The following MAGI2 variants were observed in gnomAD, a reference collection of about 807,000 sequenced individuals.
The protein encoded by MAGI2 is membrane associated guanylate kinase, WW and PDZ domain containing 2.
Under a neutral mutation model 133.3 loss-of-function variants are expected in MAGI2, and 35 were observed. The ratio of observed to expected loss-of-function variants is 0.26; its 90% confidence interval spans 0.20 to 0.35. The LOEUF is 0.35. Among genes scored for constraint, MAGI2 ranks in the 10% least tolerant of loss-of-function variants. MAGI2 has a pLI of 1.00. For synonymous variants in MAGI2, 729 were observed against 710.6 expected, an observed-to-expected ratio of 1.03 and a Z score of -0.41; for missense variants, 1,636 against 1,863.4, an observed-to-expected ratio of 0.88 and a Z score of 2.25.
chr7:79,277,438 G>A (rs191336967), intron 1 of MAGI2, among the ~76,000 whole-genome samples: 8 of 152,100 alleles, frequency 5.3e-5, no homozygotes, highest in African/African-American at 1.7e-4. Context: ...TGATTCTAAT[G>A]TGCTATTCAC....
rs144181423 is a variant in MAGI2, at chr7:78,930,084, T to C, written c.418+77006A>G. On this transcript the variant is annotated intron_variant, in intron 2 of 21. Transcript: ENST00000354212. ...GTTCAATGAAAGCAAATCTTACTAA[T>C]AAGTAAAGCTATGTGTTAAAGAAGA... is the stretch of plus-strand genomic sequence containing the variant. Among the ~76,000 whole-genome samples, 1,114 of 152,158 alleles carry C rather than the reference T, an allele frequency of 7.3e-3. 7 individuals carry two copies. The highest frequency in any genetic ancestry group is 0.025 in the African/African-American group (1,027 of 41,536).
intron 4 of MAGI2, among the ~76,000 whole-genome samples, chr7:78,505,429 G>T (rs969654457): frequency 2.6e-5 from 4 of 152,030 alleles, no homozygotes; most frequent in Non-Finnish European, 5.9e-5. Context: ...TGTAAGTTTT[G>T]TAGGATAAAA....
chr7:78,119,853 T>C (rs1284575608), intron 20 of MAGI2, among the ~76,000 whole-genome samples: 1 of 152,204 alleles, frequency 6.6e-6, no homozygotes, highest in East Asian at 1.9e-4. Flanking sequence ...ACTCAACACA[T>C]GTATTTGTGT....
At chr7:78,117,173 A>C (rs942877608) in intron 20 of MAGI2, among the ~76,000 whole-genome samples, 1 of 151,916 alleles carries the variant, frequency 6.6e-6, no homozygotes, top group East Asian at 1.9e-4. Context: ...GGATTATTCT[A>C]TTTCTCATTT....
At chr7:78,284,921 T>G (rs1382017066) in intron 9 of MAGI2, among the ~76,000 whole-genome samples, 2 of 152,096 alleles carry the variant, frequency 1.3e-5, no homozygotes, top group South Asian at 4.1e-4. Context: ...AGAAAATATA[T>G]GCTAAAAATA....
In MAGI2 at chr7:78,167,934, T is replaced by C; in HGVS notation, c.2578A>G (p.Arg860Gly). 1 of 1,614,134 alleles carries C rather than the reference T, an allele frequency of 6.2e-7. No homozygotes were observed. The highest frequency in any genetic ancestry group is 8.5e-7 in the Non-Finnish European group (1 of 1,179,994). The change falls in exon 15 of 22, where the codon AGA becomes GGA. Residue 860 changes from arginine (R) to glycine (G), a missense_variant. Physicochemically the swap from Arg to Gly is moderately radical, Grantham distance 125. This residue lies in a region of MAGI2 where 920 missense variants were observed against 1,093.5 expected (regional missense o/e 0.84). Coordinates refer to ENST00000354212, the MANE Select transcript of MAGI2 (RefSeq NM_012301.4). ...TACATACCTCCACATAGCACCTTTC[T>C]TCTCACAGTGAGGTTGACCTGCCCA... ...RNGQVNLTVR[R>G]KVLCGGEPCP...
intron 7 of MAGI2, among the ~76,000 whole-genome samples, chr7:78,362,593 A>C (rs1792939994): frequency 6.6e-6 from 1 of 152,190 alleles, no homozygotes; most frequent in African/African-American, 2.4e-5. Context: ...ATGATGCCCC[A>C]AATTATAAAA....
intron 1 of MAGI2, among the ~76,000 whole-genome samples, chr7:79,229,765 A>C (rs1831189809): frequency 6.6e-6 from 1 of 151,936 alleles, no homozygotes; most frequent in Non-Finnish European, 1.5e-5. Context: ...TATTTGAAAA[A>C]TATTCTTTTT....
At chr7:79,347,342 C>G (rs1378824042) in intron 1 of MAGI2, among the ~76,000 whole-genome samples, 1 of 151,758 alleles carries the variant, frequency 6.6e-6, no homozygotes, top group Non-Finnish European at 1.5e-5. Context: ...GACTTCATTT[C>G]CCCTCAATCC....
At chr7:78,754,829 A>C (rs1292268780) in intron 2 of MAGI2, among the ~76,000 whole-genome samples, 2 of 152,224 alleles carry the variant, frequency 1.3e-5, no homozygotes, top group Admixed American at 1.3e-4. Context: ...CTTGCATCTT[A>C]ATTTTAAAAC....
intron 2 of MAGI2, among the ~76,000 whole-genome samples, chr7:78,928,768 A>G (rs1799898556): frequency 6.6e-6 from 1 of 152,092 alleles, no homozygotes. Context: ...TGCACCGGAG[A>G]GAACAGCAAT....
intron 9 of MAGI2, among the ~76,000 whole-genome samples, chr7:78,283,749 C>T (rs1156345175): frequency 2.0e-5 from 3 of 152,094 alleles, no homozygotes; most frequent in Non-Finnish European, 4.4e-5. Context: ...GAATACATGC[C>T]TATTCCAAAG....
chr7:78,959,396 A>G (rs1451351960), intron 2 of MAGI2, among the ~76,000 whole-genome samples: 1 of 152,096 alleles, frequency 6.6e-6, no homozygotes, highest in Non-Finnish European at 1.5e-5. Flanking sequence ...AAAGTATAAT[A>G]AATTAAAAAA....
At chr7:79,098,597 AC>A (rs1282585859) in intron 1 of MAGI2, among the ~76,000 whole-genome samples, 5 of 152,202 alleles carry the variant, frequency 3.3e-5, no homozygotes, top group East Asian at 3.8e-4. Flanking sequence ...ACTTAAATAG[AC>A]CTTTACTTAG....
At chr7:78,147,973 A>T (rs907469012) in intron 16 of MAGI2, among the ~76,000 whole-genome samples, 3 of 152,180 alleles carry the variant, frequency 2.0e-5, no homozygotes, top group African/African-American at 4.8e-5. Flanking sequence ...CACACATGGA[A>T]TATAAAATGG....
At chr7:78,134,957 A>G in intron 17 of MAGI2, 64 bp downstream of exon 17, 1 of 1,452,614 alleles carries the variant, frequency 6.9e-7, no homozygotes, top group African/African-American at 1.4e-5. Flanking sequence ...GGGCAGGCTG[A>G]GAACACCCGG....
At chr7:78,967,629 T>C (rs989968384) in intron 2 of MAGI2, among the ~76,000 whole-genome samples, 1 of 151,928 alleles carries the variant, frequency 6.6e-6, no homozygotes, top group Non-Finnish European at 1.5e-5. Flanking sequence ...TTTTTATATA[T>C]ATATAGTGTA....
At chr7:79,199,343 C>G (rs549136457) in intron 1 of MAGI2, among the ~76,000 whole-genome samples, 1 of 152,032 alleles carries the variant, frequency 6.6e-6, no homozygotes, top group South Asian at 2.1e-4. Flanking sequence ...AATATCTGTA[C>G]GCTTCCTACT....
At chr7:79,412,184 A>G (rs1846191140) in intron 1 of MAGI2, 1 of 152,074 alleles carries the variant, frequency 6.6e-6, no homozygotes, top group Non-Finnish European at 1.5e-5. Context: ...CTGAAATATT[A>G]ACAGTTATAA....
Sources: gnomAD v4.1 joint callset for allele counts (sites outside exome capture counted in the v4.1 genomes callset) on GRCh38, gnomAD v4.1.1 for gene constraint, gnomAD v4.1.1 regional missense constraint, MANE v1.5 for transcripts, NCBI Gene and HGNC (gene_info 2026-07-23, HGNC 2026-07-21) for gene names.